Variants in RASAL2 observed in about 807,000 individuals in gnomAD.
RASAL2 encodes the protein RAS protein activator like 2.
RASAL2 carries 58 observed loss-of-function variants against 128.9 expected under a neutral mutation model. The ratio of observed to expected loss-of-function variants is 0.45; its 90% CI spans 0.36 to 0.56. The LOEUF is 0.56. Among genes scored for constraint, RASAL2 ranks in the 20% least tolerant of loss-of-function variants. The pLI is 0.00. For missense variants in RASAL2, 1,360 were observed against 1,601.6 expected, an observed-to-expected ratio of 0.85 and a Z score of 2.57; for synonymous variants, 561 against 580.8, an observed-to-expected ratio of 0.97 and a Z score of 0.49.
At chr1:178,463,746 C>A (rs1647347801) in intron 14 of RASAL2, among the ~76,000 whole-genome samples, 1 of 152,076 alleles carries the variant, frequency 6.6e-6, no homozygotes, top group Non-Finnish European at 1.5e-5. Flanking sequence ...CCCACAATTA[C>A]TTTTGCACCA....
chr1:178,151,060 A>C (rs555897233), intron 1 of RASAL2, among the ~76,000 whole-genome samples: 4 of 152,270 alleles, frequency 2.6e-5, no homozygotes, highest in African/African-American at 7.2e-5. Flanking sequence ...AGCTTTATTT[A>C]GACTGTTGAC....
intron 1 of RASAL2, among the ~76,000 whole-genome samples, chr1:178,178,318 T>C (rs1174404515): frequency 6.6e-6 from 1 of 152,128 alleles, no homozygotes; most frequent in African/African-American, 2.4e-5. Context: ...TAATCTGAAA[T>C]GAAGACCTCA....
intron 3 of RASAL2, among the ~76,000 whole-genome samples, chr1:178,383,268 G>A (rs1373810618): frequency 4.6e-5 from 7 of 152,120 alleles, no homozygotes; most frequent in African/African-American, 1.4e-4. Context: ...TGCAGTCTGA[G>A]TGATACAAAT....
chr1:178,186,695 A>C (rs990263460), intron 1 of RASAL2, among the ~76,000 whole-genome samples: 4 of 151,636 alleles, frequency 2.6e-5, no homozygotes, highest in African/African-American at 9.7e-5. Flanking sequence ...TCAGTAATTT[A>C]ATTATTATGT....
intron 1 of RASAL2, among the ~76,000 whole-genome samples, chr1:178,126,315 A>T (rs1420756843): frequency 6.6e-6 from 1 of 152,200 alleles, no homozygotes; most frequent in Non-Finnish European, 1.5e-5. Flanking sequence ...TATATAATGT[A>T]TATTTTTTAA....
chr1:178,377,224 C>G (rs994068651), intron 3 of RASAL2, among the ~76,000 whole-genome samples: 19 of 151,910 alleles, frequency 1.3e-4, no homozygotes, highest in Middle Eastern at 3.2e-3. Context: ...TTATCTGATT[C>G]CCAAAATTTA....
At chr1:178,388,026 C>T (rs956801797) in intron 3 of RASAL2, among the ~76,000 whole-genome samples, 1 of 151,984 alleles carries the variant, frequency 6.6e-6, no homozygotes, top group Non-Finnish European at 1.5e-5. Flanking sequence ...CATTTTATCC[C>T]AGCTAATGAA....
At chr1:178,353,147 T>C (rs765550911) in intron 3 of RASAL2, among the ~76,000 whole-genome samples, 1 of 152,236 alleles carries the variant, frequency 6.6e-6, no homozygotes, top group Non-Finnish European at 1.5e-5. Flanking sequence ...GAAAATGGGC[T>C]CTTCTCTTCT....
chr1:178,396,767 C>G (rs1386209599), intron 4 of RASAL2, among the ~76,000 whole-genome samples: 1 of 148,514 alleles, frequency 6.7e-6, no homozygotes, highest in Non-Finnish European at 1.5e-5. Flanking sequence ...TTCATTCCAA[C>G]AGTATTATTT....
intron 1 of RASAL2, among the ~76,000 whole-genome samples, chr1:178,192,307 G>T (rs1236672541): frequency 2.0e-5 from 3 of 151,928 alleles, no homozygotes; most frequent in African/African-American, 7.3e-5. Flanking sequence ...ACTCTGTTAG[G>T]CACCTTGGAG....
intron 1 of RASAL2, among the ~76,000 whole-genome samples, chr1:178,143,110 C>T (rs552029796): frequency 2.0e-5 from 3 of 151,762 alleles, no homozygotes; most frequent in African/African-American, 7.3e-5. Context: ...ATATTCAAAC[C>T]GTGTCACCCA....
At chr1:178,369,659 T>C (rs1671595198) in intron 3 of RASAL2, among the ~76,000 whole-genome samples, 2 of 152,234 alleles carry the variant, frequency 1.3e-5, no homozygotes, top group African/African-American at 4.8e-5. Flanking sequence ...AACCAAGTTA[T>C]TTTGGTTGTT....
intron 1 of RASAL2, among the ~76,000 whole-genome samples, chr1:178,182,093 A>G (rs1254339034): frequency 2.6e-5 from 4 of 152,124 alleles, no homozygotes; most frequent in African/African-American, 9.7e-5. Flanking sequence ...TTCTGCACAG[A>G]TTTGTCCACC....
intron 3 of RASAL2, among the ~76,000 whole-genome samples, chr1:178,357,960 G>T (rs556325127): frequency 2.4e-4 from 36 of 152,080 alleles, no homozygotes; most frequent in Non-Finnish European, 4.4e-4. Context: ...ACAAGGCCAG[G>T]TGTGGTGCCT....
At chr1:178,314,623 T>C (rs1668414141) in intron 3 of RASAL2, among the ~76,000 whole-genome samples, 1 of 152,138 alleles carries the variant, frequency 6.6e-6, no homozygotes, top group Non-Finnish European at 1.5e-5. Context: ...TTATTATGTT[T>C]ACAATATTTT....
chr1:178,197,224 G>A (rs1027270398), intron 1 of RASAL2, among the ~76,000 whole-genome samples: 11 of 152,290 alleles, frequency 7.2e-5, no homozygotes, highest in African/African-American at 1.9e-4. Context: ...TTGGGGGGCC[G>A]AGGCAGGCAG....
intron 15 of RASAL2, 33 bp downstream of exon 15, chr1:178,464,445 T>C (rs1558011869): frequency 3.7e-6 from 6 of 1,605,936 alleles, no homozygotes; most frequent in Non-Finnish European, 5.1e-6. Context: ...AACTTTCTGA[T>C]CCCAAAATGA....
At chr1:178,420,264 CATT>C (rs1675056353) in intron 4 of RASAL2, among the ~76,000 whole-genome samples, 1 of 152,144 alleles carries the variant, frequency 6.6e-6, no homozygotes, top group East Asian at 1.9e-4. Context: ...CTAATATAAA[CATT>C]AATAAATAAT....
intron 1 of RASAL2, among the ~76,000 whole-genome samples, chr1:178,187,418 G>A (rs1325333952): frequency 6.6e-6 from 1 of 151,964 alleles, no homozygotes; most frequent in Admixed American, 6.6e-5. Flanking sequence ...CTCCTTGTTA[G>A]CACATTGAAT....
Sources: allele counts gnomAD v4.1 joint callset (sites outside exome capture counted in the v4.1 genomes callset), GRCh38; gene constraint gnomAD v4.1.1; transcripts MANE v1.5; gene names NCBI Gene and HGNC (gene_info 2026-07-23, HGNC 2026-07-21).